The following KDM4B variants were observed in gnomAD, a reference collection of about 807,000 sequenced individuals.
KDM4B encodes the protein lysine demethylase 4B, also known as lysine-specific demethylase 4B.
KDM4B carries 32 observed loss-of-function variants against 125.2 expected under a neutral mutation model. The ratio of observed to expected loss-of-function variants is 0.26; its 90% CI spans 0.19 to 0.34. The LOEUF (loss-of-function observed/expected upper bound fraction) is 0.34. Among genes scored for constraint, KDM4B ranks in the 10% least tolerant of loss-of-function variants. The pLI is 1.00. For missense variants in KDM4B, 1,190 were observed against 1,577.7 expected, an observed-to-expected ratio of 0.75 and a Z score of 4.16; for synonymous variants, 721 against 677.9, an observed-to-expected ratio of 1.06 and a Z score of -0.99.
intron 13 of KDM4B, among the ~76,000 whole-genome samples, chr19:5,132,862 G>A (rs997062068): frequency 2.0e-5 from 3 of 152,294 alleles, no homozygotes; most frequent in East Asian, 1.9e-4. Flanking sequence ...CCAGGGCCTC[G>A]GGGCCGCTTA....
intron 5 of KDM4B, among the ~76,000 whole-genome samples, chr19:5,042,686 G>T (rs577878314): frequency 6.6e-6 from 1 of 151,790 alleles, no homozygotes; most frequent in East Asian, 2.0e-4. Flanking sequence ...GAGTGAGGGG[G>T]GGGGCGCCGT....
In KDM4B at chr19:5,135,428, A is replaced by T; in HGVS notation, c.2175A>T (p.Arg725=). 1 of 1,613,612 alleles carries T rather than the reference A, an allele frequency of 6.2e-7. No individual in the cohort carries two copies. Among genetic ancestry groups the T allele is most frequent in the South Asian group, 1.1e-5 (1 of 91,086 alleles). Residue 725 remains arginine, a synonymous_variant, in exon 15 of 23, where the codon CGA becomes CGT. Coordinates refer to ENST00000159111, the MANE Select transcript of KDM4B (RefSeq NM_015015.3). ...CCTCCAAAAGCCGTCAGAAGACCCGACCGCTCATCCCTGAGATGTGCTTCA... is the reference window on the plus strand; with the variant it reads ...CCTCCAAAAGCCGTCAGAAGACCCGTCCGCTCATCCCTGAGATGTGCTTCA... ...TLPSKSRQKT[R]PLIPEMCFTS...
At chr19:4,980,975 G>A (rs983943475) in intron 1 of KDM4B, among the ~76,000 whole-genome samples, 23 of 152,298 alleles carry the variant, frequency 1.5e-4, no homozygotes, top group African/African-American at 5.5e-4. Flanking sequence ...CTTGGCGGAT[G>A]CTGGGCTGCG....
chr19:5,114,601 A>G lies in KDM4B; in HGVS notation c.1115+3783A>G, dbSNP rs1156989538. 5 of 297,392 alleles carry G rather than the reference A, an allele frequency of 1.7e-5. No homozygotes were observed. Among genetic ancestry groups the G allele is most frequent in the South Asian group, 1.1e-4 (4 of 36,642 alleles). The allele number at this position is 297,392 out of a possible 1,614,324, so 18.4% of individuals were successfully genotyped here. A position where few individuals can be genotyped will look rare whatever the true frequency, so the allele number is the denominator to read the frequency against. Reference sequence around the variant, plus strand: ...TGTCTCTTTCCTAGAGCTGCCCTTCATTTTCTCAAAGGTGAAATTCCTCAG... The same window carrying G: ...TGTCTCTTTCCTAGAGCTGCCCTTCGTTTTCTCAAAGGTGAAATTCCTCAG... On this transcript the variant is annotated intron_variant, in intron 10 of 22. Coordinates refer to ENST00000159111, the MANE Select transcript of KDM4B (RefSeq NM_015015.3). The surrounding 1 kb of genome is among the most constrained non-coding windows in gnomAD (Gnocchi z 5.8).
chr19:5,026,874 G>C (rs999225852), intron 2 of KDM4B, among the ~76,000 whole-genome samples: 2 of 152,064 alleles, frequency 1.3e-5, no homozygotes, highest in African/African-American at 4.8e-5. Flanking sequence ...GGAGCTGACT[G>C]CCGCCCCCTT....
At position 5,097,117 on chromosome 19, in the gene KDM4B, C is replaced by T. The variant is rs369009795; in HGVS notation, c.919-13505C>T. On this transcript the variant is annotated intron_variant, in intron 9 of 22. Coordinates refer to ENST00000159111, the MANE Select transcript of KDM4B (RefSeq NM_015015.3). ...ATGGTGCCTGTTCACGAAGAAGAGT[C>T]ACCAAGGGAAGGAGGTGAATGGTAA... Among the ~76,000 whole-genome samples, 13 of 152,300 alleles carry T rather than the reference C, an allele frequency of 8.5e-5. No homozygotes were observed. In the South Asian group the frequency reaches 1.7e-3, roughly 19 times the overall value.
chr19:5,099,121 C>A (rs1292487087), intron 9 of KDM4B, among the ~76,000 whole-genome samples: 1 of 152,190 alleles, frequency 6.6e-6, no homozygotes, highest in Non-Finnish European at 1.5e-5. Context: ...CACTGGGTAG[C>A]AGTGGGCAGT....
intron 1 of KDM4B, among the ~76,000 whole-genome samples, chr19:4,975,082 T>C (rs1364359617): frequency 6.6e-6 from 1 of 152,134 alleles, no homozygotes; most frequent in Non-Finnish European, 1.5e-5. Context: ...TTCTCCTCCT[T>C]TGCATGTCAC....
intron 1 of KDM4B, among the ~76,000 whole-genome samples, chr19:5,010,337 G>A (rs536453994): frequency 3.9e-5 from 6 of 152,332 alleles, no homozygotes; most frequent in African/African-American, 1.4e-4. Context: ...CAGGAGGTGC[G>A]TGTGGCTGAT....
intron 16 of KDM4B, 31 bp downstream of exon 16, chr19:5,137,369 T>A: frequency 6.5e-7 from 1 of 1,541,236 alleles, no homozygotes. Context: ...GGGGTGGTGC[T>A]CTGAGAGGCC....
intron 1 of KDM4B, among the ~76,000 whole-genome samples, chr19:5,015,953 G>A (rs1281778735): frequency 6.6e-6 from 1 of 152,140 alleles, no homozygotes; most frequent in Admixed American, 6.5e-5. Context: ...CTCTCAGTAG[G>A]TGTCTGCGTC....
At chr19:5,042,159 T>C (rs1293899642) in intron 5 of KDM4B, among the ~76,000 whole-genome samples, 2 of 152,212 alleles carry the variant, frequency 1.3e-5, no homozygotes, top group African/African-American at 2.4e-5. Flanking sequence ...CTGAGATATC[T>C]TGGAGATGGG....
rs1411791538 is a variant in KDM4B, at chr19:5,071,138, C to T, written c.676+79C>T. 3.0e-6 allele frequency: 4 copies of T among 1,346,194 alleles called. No individual in the cohort carries two copies. In the East Asian group the frequency reaches 7.1e-5, roughly 24 times the overall value. The allele number at this position is 1,346,194 out of a possible 1,614,324, so 83.4% of individuals were successfully genotyped here. A position where few individuals can be genotyped will look rare whatever the true frequency, so the allele number is the denominator to read the frequency against. ...GTGGGTGGGGAAGGGCAGCTGGCGT[C>T]CCCCGGGCTCTGCTGCGGTCTGGGT... On this transcript the variant is annotated intron_variant, in intron 7 of 22. Transcript: ENST00000159111.
At chr19:5,109,772 C>T (rs776388254) in intron 9 of KDM4B, among the ~76,000 whole-genome samples, 2 of 152,220 alleles carry the variant, frequency 1.3e-5, no homozygotes, top group Non-Finnish European at 2.9e-5. Context: ...TGTGGGCCAC[C>T]GTCGCCCTCG....
At chr19:4,970,185 G>A (rs943546190) in intron 1 of KDM4B, among the ~76,000 whole-genome samples, 3 of 152,196 alleles carry the variant, frequency 2.0e-5, no homozygotes, top group Non-Finnish European at 4.4e-5. Flanking sequence ...GGGCACGGTG[G>A]AAGGTTTTAA....
chr19:5,149,369 C>A (rs2039907522), intron 21 of KDM4B, among the ~76,000 whole-genome samples: 1 of 152,260 alleles, frequency 6.6e-6, no homozygotes, highest in East Asian at 1.9e-4. Flanking sequence ...CTTGATCTGT[C>A]ACCCAGCCTG....
At chr19:5,086,698 G>A (rs1210685496) in intron 9 of KDM4B, among the ~76,000 whole-genome samples, 1 of 152,192 alleles carries the variant, frequency 6.6e-6, no homozygotes, top group Admixed American at 6.5e-5. Context: ...TCCGAAAGCA[G>A]GTTGGCCCCC....
chr19:5,045,277 A>G (rs1035488571), intron 5 of KDM4B, among the ~76,000 whole-genome samples: 1 of 152,084 alleles, frequency 6.6e-6, no homozygotes, highest in East Asian at 1.9e-4. Context: ...TGCCATTTCA[A>G]TCTGCATTCC....
intron 9 of KDM4B, among the ~76,000 whole-genome samples, chr19:5,087,480 C>T (rs2038542493): frequency 1.3e-5 from 2 of 152,230 alleles, no homozygotes; most frequent in African/African-American, 4.8e-5. Flanking sequence ...CCCCAGACAT[C>T]ACCTGCAGCG....
Sources: gnomAD v4.1 joint callset for allele counts (sites outside exome capture counted in the v4.1 genomes callset) on GRCh38, gnomAD v4.1.1 for gene constraint, Gnocchi (gnomAD v3.1) non-coding constraint, MANE v1.5 for transcripts, NCBI Gene and HGNC (gene_info 2026-07-23, HGNC 2026-07-21) for gene names.